Variants in PDE4D observed in about 807,000 individuals in gnomAD.
PDE4D encodes the protein phosphodiesterase 4D, also known as 3',5'-cyclic-AMP phosphodiesterase 4D.
A neutral mutation model predicts 87.4 loss-of-function variants in PDE4D; 24 were observed. That is an observed-to-expected ratio of 0.27 (90% CI 0.20 to 0.39). The LOEUF (loss-of-function observed/expected upper bound fraction) is 0.39. Among genes scored for constraint, PDE4D ranks in the 10% least tolerant of loss-of-function variants. PDE4D has a pLI of 1.00. For missense variants in PDE4D, 714 were observed against 1,041.0 expected (o/e 0.69, Z 4.32); for synonymous variants, 384 against 383.2 (o/e 1.00, Z -0.02).
At chr5:60,352,696 T>C (rs1031353985) in intron 1 of PDE4D, among the ~76,000 whole-genome samples, 5 of 152,204 alleles carry the variant, frequency 3.3e-5, no homozygotes, top group Non-Finnish European at 5.9e-5. Flanking sequence ...CTCAAACAAC[T>C]CAATTTTGTT....
At chr5:59,051,919 G>A (rs527551464) in intron 5 of PDE4D, among the ~76,000 whole-genome samples, 5 of 150,926 alleles carry the variant, frequency 3.3e-5, no homozygotes, top group African/African-American at 1.2e-4. Context: ...AATGGTCAGA[G>A]AGTAATCTTC....
chr5:59,793,348 T>C (rs1290708634), intron 1 of PDE4D, among the ~76,000 whole-genome samples: 3 of 152,240 alleles, frequency 2.0e-5, no homozygotes, highest in Non-Finnish European at 4.4e-5. Flanking sequence ...ACTAGTCATA[T>C]GATTTGTTTA....
intron 1 of PDE4D, among the ~76,000 whole-genome samples, chr5:60,289,404 T>C (rs1040397343): frequency 6.6e-6 from 1 of 152,130 alleles, no homozygotes; most frequent in Non-Finnish European, 1.5e-5. Flanking sequence ...ACAATTTGGG[T>C]GATCCTATAA....
chr5:59,586,302 A>G, intron 1 of PDE4D: 1 of 1,532,964 alleles, frequency 6.5e-7, no homozygotes, highest in Non-Finnish European at 9.0e-7. Flanking sequence ...TGAGTTTTAC[A>G]AACTGAAGGG....
intron 1 of PDE4D, among the ~76,000 whole-genome samples, chr5:59,886,006 T>C (rs1750096281): frequency 6.6e-6 from 1 of 152,204 alleles, no homozygotes; most frequent in African/African-American, 2.4e-5. Context: ...TCACTAACTC[T>C]GTGTGTTTCA....
intron 3 of PDE4D, among the ~76,000 whole-genome samples, chr5:59,899,267 T>C (rs1415785221): frequency 6.6e-6 from 1 of 152,228 alleles, no homozygotes; most frequent in East Asian, 1.9e-4. Context: ...TAACTCTACA[T>C]AGAAAACACC....
At chr5:59,196,501 G>A (rs1745484269) in intron 2 of PDE4D, among the ~76,000 whole-genome samples, 1 of 152,160 alleles carries the variant, frequency 6.6e-6, no homozygotes, top group South Asian at 2.1e-4. Context: ...ATATAGGGCT[G>A]CAATTTCTCT....
chr5:60,225,258 C>T (rs1269014258), intron 1 of PDE4D, among the ~76,000 whole-genome samples: 1 of 152,024 alleles, frequency 6.6e-6, no homozygotes, highest in Non-Finnish European at 1.5e-5. Context: ...GCAGAGCAAA[C>T]AGGGCTTGAC....
intron 1 of PDE4D, among the ~76,000 whole-genome samples, chr5:60,441,556 G>T (rs1283345063): frequency 6.6e-6 from 1 of 152,102 alleles, no homozygotes; most frequent in Admixed American, 6.5e-5. Flanking sequence ...AACACCAAAA[G>T]CAATGGCAAC....
chr5:60,034,200 T>C (rs1300278229), intron 2 of PDE4D, among the ~76,000 whole-genome samples: 5 of 152,186 alleles, frequency 3.3e-5, no homozygotes, highest in Non-Finnish European at 7.4e-5. Flanking sequence ...GACTTCAACA[T>C]AGCTAGAGAC....
intron 1 of PDE4D, among the ~76,000 whole-genome samples, chr5:60,510,483 T>A (rs1750521429): frequency 6.6e-6 from 1 of 152,120 alleles, no homozygotes; most frequent in East Asian, 1.9e-4. Flanking sequence ...TCTTAAAGAA[T>A]GAGTACAATT....
chr5:59,947,632 C>G (rs186797622), intron 3 of PDE4D, among the ~76,000 whole-genome samples: 5 of 152,286 alleles, frequency 3.3e-5, no homozygotes, highest in African/African-American at 1.2e-4. Context: ...AATGTAGATA[C>G]TGATAGAGAG....
rs1471515165 is a variant in PDE4D at position 58,972,493 on chromosome 5, G to A, written c.*2171C>T. On this transcript the variant is annotated 3_prime_UTR_variant, in exon 15 of 15. Coordinates refer to ENST00000340635, the MANE Select transcript of PDE4D (RefSeq NM_001104631.2). ...CTGAAATGGGGACTCTCTTCAGCAT[G>A]AGTCATTTGCCTGGCTGATGACTTA... 1.3e-5 allele frequency: 2 copies of A among 152,310 alleles called. No homozygotes were observed. Among genetic ancestry groups the A allele is most frequent in the African/African-American group, 4.8e-5 (2 of 41,446 alleles). 9.4% of individuals were successfully genotyped at this position (152,310 alleles called of 1,614,324 possible). A position where few individuals can be genotyped will look rare whatever the true frequency, so the allele number is the denominator to read the frequency against.
intron 1 of PDE4D, among the ~76,000 whole-genome samples, chr5:59,433,032 T>G (rs935207821): frequency 2.2e-4 from 34 of 152,282 alleles, no homozygotes; most frequent in African/African-American, 7.5e-4. Context: ...TTGTGATGTA[T>G]GACTGGGGTG....
At chr5:59,002,315 C>G (rs16888998) in intron 6 of PDE4D, among the ~76,000 whole-genome samples, 15,660 of 152,060 alleles carry the variant, frequency 0.1, 1,275 homozygotes, top group East Asian at 0.47. Context: ...ACTGTGGCAG[C>G]TAGTCTCCAA....
intron 11 of PDE4D, among the ~76,000 whole-genome samples, chr5:58,979,173 A>C (rs1465829271): frequency 6.6e-6 from 1 of 152,190 alleles, no homozygotes; most frequent in Non-Finnish European, 1.5e-5. Flanking sequence ...TGTTGTATGG[A>C]AGGTGCAACA....
intron 1 of PDE4D, among the ~76,000 whole-genome samples, chr5:59,266,895 A>G (rs1425664074): frequency 1.3e-5 from 2 of 152,218 alleles, no homozygotes; most frequent in Non-Finnish European, 2.9e-5. Context: ...TAGTTTCGAC[A>G]GACCAAGATT....
chr5:60,412,614 T>C (rs1742137867), intron 1 of PDE4D, among the ~76,000 whole-genome samples: 1 of 152,210 alleles, frequency 6.6e-6, no homozygotes, highest in Non-Finnish European at 1.5e-5. Context: ...AGCAAAAGGA[T>C]TCCATCACCC....
chr5:60,105,696 G>A (rs938887753), intron 2 of PDE4D, among the ~76,000 whole-genome samples: 7 of 152,026 alleles, frequency 4.6e-5, no homozygotes, highest in Non-Finnish European at 1.0e-4. Context: ...GAAGATAATG[G>A]GGGCCAATAT....
Sources: allele counts gnomAD v4.1 joint callset (sites outside exome capture counted in the v4.1 genomes callset), GRCh38; gene constraint gnomAD v4.1.1; transcripts MANE v1.5; gene names NCBI Gene and HGNC (gene_info 2026-07-23, HGNC 2026-07-21).